Variants in SLC44A5 observed in about 807,000 individuals in gnomAD.
SLC44A5 encodes solute carrier family 44 member 5.
In SLC44A5, 57 loss-of-function variants were observed where a neutral mutation model predicts 101.8. The observed-to-expected ratio is 0.56, with a 90% CI of 0.45 to 0.70. The LOEUF is 0.70. SLC44A5 is among the 30% of genes least tolerant of loss of function. The pLI, the probability that SLC44A5 is intolerant of heterozygous loss-of-function variation, is 0.00. For missense variants in SLC44A5, 737 were observed against 853.1 expected (o/e 0.86, Z 1.70); for synonymous variants, 281 against 290.9 (o/e 0.97, Z 0.35).
At chr1:75,424,738 A>G (rs898244618) in intron 2 of SLC44A5, among the ~76,000 whole-genome samples, 1 of 152,168 alleles carries the variant, frequency 6.6e-6, no homozygotes, top group African/African-American at 2.4e-5. Context: ...AAATATCAAA[A>G]TGTCAAGAGT....
intron 1 of SLC44A5, among the ~76,000 whole-genome samples, chr1:75,575,201 T>C (rs1232730871): frequency 3.9e-5 from 6 of 152,238 alleles, no homozygotes; most frequent in African/African-American, 4.8e-5. Flanking sequence ...CAGCCTAATA[T>C]TAAATTCCCT....
At chr1:75,601,856 T>C (rs557173898) in intron 1 of SLC44A5, among the ~76,000 whole-genome samples, 4 of 152,116 alleles carry the variant, frequency 2.6e-5, no homozygotes, top group Non-Finnish European at 4.4e-5. Context: ...GGTCTGACAA[T>C]GACAGTTCTC....
chr1:75,348,554 A>G (rs1658418889), intron 3 of SLC44A5, among the ~76,000 whole-genome samples: 1 of 152,214 alleles, frequency 6.6e-6, no homozygotes, highest in Non-Finnish European at 1.5e-5. Flanking sequence ...TGAAGTAATC[A>G]AACTCTATTC....
chr1:75,719,118 T>G, the SLC44A5 span, among the ~76,000 whole-genome samples: 1 of 152,166 alleles, frequency 6.6e-6, no homozygotes, highest in Admixed American at 6.5e-5. Flanking sequence ...ATGGAAAGAC[T>G]GGTTCCCTAA....
At chr1:75,470,071 T>A (rs1240025290) in intron 2 of SLC44A5, among the ~76,000 whole-genome samples, 5 of 152,106 alleles carry the variant, frequency 3.3e-5, no homozygotes, top group Admixed American at 3.3e-4. Context: ...TGACAGCATA[T>A]TAAAGATATT....
At chr1:75,568,678 C>T (rs2748446) in intron 1 of SLC44A5, among the ~76,000 whole-genome samples, 42,904 of 152,036 alleles carry the variant, frequency 0.28, 6,862 homozygotes, top group African/African-American at 0.42. Flanking sequence ...CTTAATCCTA[C>T]GATCCACCAC....
intron 5 of SLC44A5, among the ~76,000 whole-genome samples, chr1:75,294,174 A>T (rs1261354542): frequency 6.6e-6 from 1 of 152,208 alleles, no homozygotes; most frequent in Non-Finnish European, 1.5e-5. Context: ...TATTTCCAAA[A>T]GTAGATTAAC....
intron 4 of SLC44A5, among the ~76,000 whole-genome samples, chr1:75,326,817 A>G (rs1314436968): frequency 1.3e-5 from 2 of 152,154 alleles, no homozygotes; most frequent in African/African-American, 4.8e-5. Context: ...TATGGTTGCA[A>G]CTTTAGCTCC....
intron 11 of SLC44A5, among the ~76,000 whole-genome samples, chr1:75,235,737 T>C (rs1648016888): frequency 6.6e-6 from 1 of 152,072 alleles, no homozygotes; most frequent in Non-Finnish European, 1.5e-5. Context: ...TCTATCTTGC[T>C]CCACTAGTGT....
rs1393066953 is a variant in SLC44A5, at chr1:75,247,737, G to A, written c.345+3473C>T. Among the ~76,000 whole-genome samples the A allele has an allele frequency of 2.6e-5, 4 of 151,846 alleles. 1 individual carries two copies. Among genetic ancestry groups the A allele is most frequent in the Non-Finnish European group, 5.9e-5 (4 of 67,932 alleles). Reference sequence around the variant, plus strand: ...GTGAAAAAGGTATTTTAAGGAGGTGGGATTGATTAAATACTGTTGTTAGAT... The same window carrying A: ...GTGAAAAAGGTATTTTAAGGAGGTGAGATTGATTAAATACTGTTGTTAGAT... On this transcript the variant is annotated intron_variant, in intron 7 of 23. Transcript: ENST00000370859.
the SLC44A5 span, among the ~76,000 whole-genome samples, chr1:75,708,177 C>T: frequency 1.3e-5 from 2 of 151,530 alleles, no homozygotes; most frequent in Non-Finnish European, 2.9e-5. Context: ...CTTTGGGAGG[C>T]CAAGGTGGGC....
intron 2 of SLC44A5, among the ~76,000 whole-genome samples, chr1:75,407,179 A>T (rs921588623): frequency 2.0e-5 from 3 of 152,196 alleles, no homozygotes; most frequent in Non-Finnish European, 4.4e-5. Flanking sequence ...TTCAAAGAGA[A>T]CTACAAACCA....
At chr1:75,685,542 T>G in the SLC44A5 span, among the ~76,000 whole-genome samples, 1 of 152,192 alleles carries the variant, frequency 6.6e-6, no homozygotes, top group Non-Finnish European at 1.5e-5. Context: ...GTTCCTTATC[T>G]TCATCTGAGA....
chr1:75,312,114 T>C (rs1025604385), intron 4 of SLC44A5, among the ~76,000 whole-genome samples: 2 of 152,162 alleles, frequency 1.3e-5, no homozygotes, highest in Non-Finnish European at 2.9e-5. Context: ...TGAGATCTGA[T>C]GGTTTTATAA....
the SLC44A5 span, among the ~76,000 whole-genome samples, chr1:75,706,751 C>T: frequency 6.6e-6 from 1 of 151,892 alleles, no homozygotes; most frequent in Non-Finnish European, 1.5e-5. Flanking sequence ...TCATATTATC[C>T]CATGTGTCCT....
At chr1:75,355,706 A>G (rs987001905) in intron 3 of SLC44A5, among the ~76,000 whole-genome samples, 1 of 152,198 alleles carries the variant, frequency 6.6e-6, no homozygotes, top group African/African-American at 2.4e-5. Context: ...TTGTAACTTC[A>G]TAGCACAAAG....
intron 6 of SLC44A5, among the ~76,000 whole-genome samples, chr1:75,272,194 C>T (rs2100736178): frequency 6.6e-6 from 1 of 152,038 alleles, no homozygotes; most frequent in Middle Eastern, 3.4e-3. Context: ...GTTTGAGTTA[C>T]TTGTAGATTA....
chr1:75,429,071 T>C (rs1664468155), intron 2 of SLC44A5, among the ~76,000 whole-genome samples: 1 of 152,212 alleles, frequency 6.6e-6, no homozygotes, highest in East Asian at 1.9e-4. Flanking sequence ...GTGCCTGAGC[T>C]CCATCCTTAG....
chr1:75,432,222 G>C (rs1013449029), intron 2 of SLC44A5, among the ~76,000 whole-genome samples: 1 of 152,150 alleles, frequency 6.6e-6, no homozygotes, highest in East Asian at 1.9e-4. Flanking sequence ...CAATACCTTT[G>C]CAGCCAAAGG....
Sources: gnomAD v4.1 joint callset for allele counts (sites outside exome capture counted in the v4.1 genomes callset) on GRCh38, gnomAD v4.1.1 for gene constraint, MANE v1.5 for transcripts, NCBI Gene and HGNC (gene_info 2026-07-23, HGNC 2026-07-21) for gene names.